The following MACROD1 variants were observed in gnomAD, a reference collection of about 807,000 sequenced individuals.
MACROD1 encodes ADP-ribose glycohydrolase MACROD1.
In MACROD1, 31 loss-of-function variants were observed where a neutral mutation model predicts 41.4. That is an observed-to-expected ratio of 0.75 (90% confidence interval 0.56 to 1.01). MACROD1 has a LOEUF of 1.01. Ranked by LOEUF, MACROD1 falls within the 50% of genes least tolerant of loss-of-function variation. The pLI, the probability that MACROD1 is intolerant of heterozygous loss-of-function variation, is 0.00. For synonymous variants in MACROD1, 252 were observed against 203.4 expected (o/e 1.24, Z -2.03); for missense variants, 473 against 460.0 (o/e 1.03, Z -0.26).
intron 3 of MACROD1, among the ~76,000 whole-genome samples, chr11:64,093,591 C>T (rs531100514): frequency 2.7e-4 from 41 of 152,372 alleles, no homozygotes; most frequent in African/African-American, 9.6e-4. Flanking sequence ...CCAGTCCTTC[C>T]AGTTCTTGGG....
chr11:64,017,797 C>A (rs182452716), intron 3 of MACROD1, among the ~76,000 whole-genome samples: 1 of 152,286 alleles, frequency 6.6e-6, no homozygotes, highest in Non-Finnish European at 1.5e-5. Flanking sequence ...CCCCCATCAC[C>A]TCTCTCTCTT....
Position 64,090,787 on chromosome 11 carries a change from C to T in MACROD1, c.517+60452G>A, listed in dbSNP as rs1944475749. The stretch of plus-strand genomic sequence containing the variant: ...GGGGTGGCGGCGTCTCTCCACCAGG[C>T]ACTTGGGGTTTGTCTCTGGGGCTCT... On this transcript the variant is annotated intron_variant, in intron 3 of 10. Coordinates refer to ENST00000255681, the MANE Select transcript of MACROD1 (RefSeq NM_014067.4). This position sits in a 1 kb window ranked among gnomAD's most constrained non-coding sequence, Gnocchi z 4.7. Among the ~76,000 whole-genome samples, 1 of 152,006 alleles carries T rather than the reference C, an allele frequency of 6.6e-6. No individual in the cohort carries two copies. The highest frequency in any genetic ancestry group is 1.5e-5 in the Non-Finnish European group (1 of 68,000).
chr11:64,055,448 G>A (rs931602950), intron 3 of MACROD1, among the ~76,000 whole-genome samples: 1 of 152,168 alleles, frequency 6.6e-6, no homozygotes, highest in East Asian at 1.9e-4. Context: ...TGGCAGGGCA[G>A]GTAGCTCCTG....
intron 4 of MACROD1, 105 bp from the exon 5 acceptor site, chr11:64,000,448 G>A (rs866469532): frequency 1.5e-4 from 103 of 696,118 alleles, no homozygotes; most frequent in Admixed American, 7.8e-4. Flanking sequence ...GACCCATGCG[G>A]AGCCGCGCCC....
chr11:64,045,239 C>T (rs1408320933), intron 3 of MACROD1, among the ~76,000 whole-genome samples: 5 of 152,160 alleles, frequency 3.3e-5, no homozygotes, highest in East Asian at 3.9e-4. Flanking sequence ...GGGTGGTGGG[C>T]GAAGGGGCCC....
At chr11:64,099,094 T>C (rs1380501227) in intron 3 of MACROD1, among the ~76,000 whole-genome samples, 1 of 152,098 alleles carries the variant, frequency 6.6e-6, no homozygotes, top group Non-Finnish European at 1.5e-5. Flanking sequence ...AGGCAGGTGG[T>C]CAAGGGGAAA....
chr11:64,124,840 C>G (rs1945154328), intron 3 of MACROD1, among the ~76,000 whole-genome samples: 1 of 152,184 alleles, frequency 6.6e-6, no homozygotes, highest in Non-Finnish European at 1.5e-5. Flanking sequence ...GCCACCATGC[C>G]TGGCTAATTT....
intron 1 of MACROD1, among the ~76,000 whole-genome samples, chr11:64,159,933 T>C (rs1565266022): frequency 6.6e-6 from 1 of 152,048 alleles, no homozygotes; most frequent in Non-Finnish European, 1.5e-5. Context: ...GGTATGTACA[T>C]ACCTAGAGGG....
rs1475770708 is a variant in MACROD1 at position 63,998,581 on chromosome 11, G to A, written c.*137C>T. 8 of 1,237,002 alleles carry A rather than the reference G, an allele frequency of 6.5e-6. No individual in the cohort carries two copies. The African/African-American group carries it at 9.4e-5, about 15-fold the overall frequency. 76.6% of individuals were successfully genotyped at this position (1,237,002 alleles called of 1,614,324 possible). ...GCTGCCACAACGAGATCTTTATTAG[G>A]CTCCTCGGGGGCGGGGCGCGGAGGG... On this transcript the variant is annotated 3_prime_UTR_variant, in exon 11 of 11. Transcript: ENST00000255681.
At chr11:64,151,847 G>A (rs1945583513) in intron 2 of MACROD1, among the ~76,000 whole-genome samples, 1 of 152,214 alleles carries the variant, frequency 6.6e-6, no homozygotes. Flanking sequence ...TGAATGAGAT[G>A]GCCAGGCGCA....
Position 64,064,843 on chromosome 11 carries a change from C to CTCATTCATTCATTCATTCAT in MACROD1, c.518-49582_518-49563dup, listed in dbSNP as rs71045731. 1.3e-5 allele frequency among the ~76,000 whole-genome samples: 2 copies of CTCATTCATTCATTCATTCAT among 150,334 alleles called. No homozygotes were observed. The highest frequency in any genetic ancestry group is 2.1e-4 in the South Asian group (1 of 4,696). ...CAAGAGGCTAGAGTTTCACAAGGAC[C>CTCATTCATTCATTCATTCAT]TCATTCATTCATTCATTCATTCATT... On this transcript the variant is annotated intron_variant, in intron 3 of 10. Coordinates refer to ENST00000255681, the MANE Select transcript of MACROD1 (RefSeq NM_014067.4). This position sits in a 1 kb window ranked among gnomAD's most constrained non-coding sequence, Gnocchi z 4.5.
chr11:64,091,557 C>A (rs1944491250), intron 3 of MACROD1, among the ~76,000 whole-genome samples: 1 of 152,084 alleles, frequency 6.6e-6, no homozygotes, highest in Admixed American at 6.5e-5. Context: ...GAGAGCTGGG[C>A]CAGTCCTTCG....
intron 3 of MACROD1, among the ~76,000 whole-genome samples, chr11:64,119,517 AT>A (rs58767804): frequency 4.0e-5 from 6 of 150,518 alleles, no homozygotes; most frequent in African/African-American, 9.7e-5. Flanking sequence ...TAGCGCAGGG[AT>A]TTTTTTTTTA....
intron 3 of MACROD1, among the ~76,000 whole-genome samples, chr11:64,018,457 G>C (rs1411599872): frequency 6.6e-6 from 1 of 152,188 alleles, no homozygotes; most frequent in East Asian, 1.9e-4. Flanking sequence ...GCAGGGGAAT[G>C]GCCCGGAGGC....
chr11:64,158,724 AC>A (rs11344167), intron 1 of MACROD1, among the ~76,000 whole-genome samples: 54,809 of 152,004 alleles, frequency 0.36, 12,201 homozygotes, highest in Non-Finnish European at 0.5. Context: ...TGGAACAAGG[AC>A]CCAAAGCCAG....
rs756749240 is a variant in MACROD1 at position 64,158,464 on chromosome 11, G to C, written c.299-6071C>G. On this transcript the variant is annotated intron_variant, in intron 1 of 10. Coordinates refer to ENST00000255681, the MANE Select transcript of MACROD1 (RefSeq NM_014067.4). ...TGGATATATTGCCCAGGCTGGTCTC[G>C]AACTCCTGGGCTCTAGCAATCCTCC... Among the ~76,000 whole-genome samples the C allele has an allele frequency of 4.2e-4, 64 of 152,044 alleles. 1 individual carries two copies. The highest frequency in any genetic ancestry group is 7.2e-4 in the Non-Finnish European group (49 of 67,972).
rs558818137 is a variant in MACROD1, at chr11:64,066,655, A to G, written c.518-51374T>C. ...ATGTCTTCAAAAAGAAAAAAAAAAAAAAAAGAATGTAAATAATCACGCTCC... is the reference window on the plus strand; with the variant it reads ...ATGTCTTCAAAAAGAAAAAAAAAAAGAAAAGAATGTAAATAATCACGCTCC... On this transcript the variant is annotated intron_variant, in intron 3 of 10. Coordinates refer to ENST00000255681, the MANE Select transcript of MACROD1 (RefSeq NM_014067.4). Among the ~76,000 whole-genome samples the G allele has an allele frequency of 5.9e-5, 9 of 152,168 alleles. No homozygotes were observed. In the South Asian group the frequency reaches 1.0e-3, roughly 18 times the overall value.
At chr11:64,018,012 G>A (rs940651325) in intron 3 of MACROD1, among the ~76,000 whole-genome samples, 3 of 152,212 alleles carry the variant, frequency 2.0e-5, no homozygotes, top group African/African-American at 7.2e-5. Flanking sequence ...CCGGCAAGGT[G>A]AGTGGGGTGA....
intron 3 of MACROD1, among the ~76,000 whole-genome samples, chr11:64,070,252 A>G (rs2086467502): frequency 6.6e-6 from 1 of 152,084 alleles, no homozygotes; most frequent in South Asian, 2.1e-4. Flanking sequence ...TACTGATCAG[A>G]GCCCTACCTG....
Sources: allele counts gnomAD v4.1 joint callset (sites outside exome capture counted in the v4.1 genomes callset), GRCh38; gene constraint gnomAD v4.1.1; non-coding constraint Gnocchi (gnomAD v3.1); transcripts MANE v1.5; gene names NCBI Gene and HGNC (gene_info 2026-07-23, HGNC 2026-07-21).